Variants in SYN3 observed in about 807,000 individuals in gnomAD.
SYN3 encodes the protein synapsin-3.
A neutral mutation model predicts 65.8 loss-of-function variants in SYN3; 35 were observed. The observed-to-expected ratio is 0.53, with a 90% CI of 0.41 to 0.70. The LOEUF is 0.70. Among genes scored for constraint, SYN3 ranks in the 30% least tolerant of loss-of-function variants. SYN3 has a pLI of 0.00. For synonymous variants in SYN3, 270 were observed against 292.9 expected, an observed-to-expected ratio of 0.92 and a Z score of 0.80; for missense variants, 680 against 749.0, an observed-to-expected ratio of 0.91 and a Z score of 1.08.
rs553128893 is a variant in SYN3, at chr22:32,710,879, T to C, written c.712-114143A>G. Among the ~76,000 whole-genome samples, 172 of 152,278 alleles carry C rather than the reference T, an allele frequency of 1.1e-3. 1 individual carries two copies. The highest frequency in any genetic ancestry group is 2.0e-3 in the Non-Finnish European group (138 of 68,028). ...TTACTCCATTTCAGGTATTTCTTTATAGCAATGCAAGAATGAACTAATACA... is the reference window on the plus strand; with the variant it reads ...TTACTCCATTTCAGGTATTTCTTTACAGCAATGCAAGAATGAACTAATACA... On this transcript the variant is annotated intron_variant, in intron 6 of 13. Transcript: ENST00000358763.
intron 6 of SYN3, among the ~76,000 whole-genome samples, chr22:32,617,919 T>C (rs10427961): frequency 0.19 from 28,832 of 151,770 alleles, 6,229 homozygotes; most frequent in African/African-American, 0.53. Context: ...AGACCTCTTC[T>C]ATCTGCCTTA....
rs1201870348 is a variant in SYN3 at position 32,614,460 on chromosome 22, T to G, written c.712-17724A>C. 3.3e-5 allele frequency among the ~76,000 whole-genome samples: 5 copies of G among 152,192 alleles called. No homozygotes were observed. The East Asian group carries it at 9.6e-4, about 29-fold the overall frequency. On this transcript the variant is annotated intron_variant, in intron 6 of 13. Coordinates refer to ENST00000358763, the MANE Select transcript of SYN3 (RefSeq NM_003490.4). ...GGATTTGATGGTCCCTTGAGGGTTA[T>G]TGCAGCTGCCAAGACCCCCAGTTTT...
chr22:32,602,276 G>A (rs2059295726), intron 6 of SYN3, among the ~76,000 whole-genome samples: 1 of 152,154 alleles, frequency 6.6e-6, no homozygotes, highest in Non-Finnish European at 1.5e-5. Context: ...TGTCTGGGGT[G>A]TATTCCTGCC....
intron 1 of SYN3, 140 bp from the exon 2 acceptor site, chr22:33,006,964 T>C (rs989369398): frequency 9.6e-5 from 26 of 270,856 alleles, no homozygotes; most frequent in Non-Finnish European, 1.7e-4. Context: ...GCAACATGTA[T>C]TAAGAGGATA....
intron 6 of SYN3, among the ~76,000 whole-genome samples, chr22:32,818,062 A>G (rs1360749521): frequency 6.6e-6 from 1 of 152,254 alleles, no homozygotes; most frequent in Non-Finnish European, 1.5e-5. Flanking sequence ...CACTTGCCCT[A>G]GAGTATCACT....
intron 2 of SYN3, among the ~76,000 whole-genome samples, chr22:32,983,974 A>G (rs909190818): frequency 5.9e-5 from 9 of 152,120 alleles, no homozygotes; most frequent in Admixed American, 5.2e-4. Context: ...ACTGGCCAAC[A>G]TAGTGAAACC....
At chr22:32,587,060 A>G (rs2059055571) in intron 7 of SYN3, among the ~76,000 whole-genome samples, 1 of 151,954 alleles carries the variant, frequency 6.6e-6, no homozygotes, top group South Asian at 2.1e-4. Context: ...CATCTCTACT[A>G]AAAATACAAA....
intron 7 of SYN3, among the ~76,000 whole-genome samples, chr22:32,581,135 A>C (rs886116660): frequency 1.3e-5 from 2 of 152,134 alleles, no homozygotes; most frequent in African/African-American, 4.8e-5. Context: ...TTTGAGACTG[A>C]GTCTCGCTCT....
At chr22:32,729,855 A>T (rs574467108) in intron 6 of SYN3, among the ~76,000 whole-genome samples, 7 of 152,292 alleles carry the variant, frequency 4.6e-5, no homozygotes, top group African/African-American at 1.7e-4. Flanking sequence ...TTTGACCCTC[A>T]GTTTCTTCTT....
In SYN3 at chr22:33,030,634, G is replaced by T. The variant is rs117238314; in HGVS notation, c.-162-23810C>A. Among the ~76,000 whole-genome samples the T allele has an allele frequency of 5.9e-3, 897 of 151,524 alleles. 7 individuals carry two copies. The highest frequency in any genetic ancestry group is 0.027 in the South Asian group (131 of 4,790). On this transcript the variant is annotated intron_variant, in intron 1 of 13. Coordinates refer to ENST00000358763, the MANE Select transcript of SYN3 (RefSeq NM_003490.4). ...ATAAAAATAAACACAGAGAGACAGAGAAACTTATATAGAGACTGATAGAGA... is the reference window on the plus strand; with the variant it reads ...ATAAAAATAAACACAGAGAGACAGATAAACTTATATAGAGACTGATAGAGA...
At chr22:32,561,262 A>T (rs1319781942) in intron 7 of SYN3, among the ~76,000 whole-genome samples, 1 of 152,216 alleles carries the variant, frequency 6.6e-6, no homozygotes, top group Admixed American at 6.5e-5. Flanking sequence ...GGAGAGACAG[A>T]CAGAGCCTAG....
chr22:32,716,343 T>C (rs1218794822), intron 6 of SYN3, among the ~76,000 whole-genome samples: 1 of 151,956 alleles, frequency 6.6e-6, no homozygotes, highest in Non-Finnish European at 1.5e-5. Context: ...ACTAGGTATG[T>C]GGGTAGAACC....
intron 1 of SYN3, among the ~76,000 whole-genome samples, chr22:33,056,146 T>C (rs1285735316): frequency 6.6e-6 from 1 of 152,142 alleles, no homozygotes; most frequent in East Asian, 1.9e-4. Flanking sequence ...ATATACATAA[T>C]AGACACTCAA....
At chr22:32,962,270 G>A (rs2051679216) in intron 3 of SYN3, among the ~76,000 whole-genome samples, 2 of 151,484 alleles carry the variant, frequency 1.3e-5, no homozygotes, top group South Asian at 4.2e-4. Context: ...TGAGTAGCTG[G>A]GTCTACAGGC....
At chr22:32,946,823 TAGG>T (rs1410066742) in intron 3 of SYN3, among the ~76,000 whole-genome samples, 1 of 152,216 alleles carries the variant, frequency 6.6e-6, no homozygotes, top group African/African-American at 2.4e-5. Flanking sequence ...TATACATTTG[TAGG>T]AGATTATGTC....
chr22:32,946,349 A>C (rs1479018181), intron 3 of SYN3, among the ~76,000 whole-genome samples: 1 of 152,210 alleles, frequency 6.6e-6, no homozygotes, highest in African/African-American at 2.4e-5. Flanking sequence ...ACACCATGGA[A>C]TACTATGCAG....
intron 1 of SYN3, among the ~76,000 whole-genome samples, chr22:33,052,388 C>T (rs1235517525): frequency 6.6e-6 from 1 of 151,960 alleles, no homozygotes; most frequent in East Asian, 1.9e-4. Context: ...TCTAAAGAAT[C>T]CTCCTCCTCC....
intron 6 of SYN3, among the ~76,000 whole-genome samples, chr22:32,805,551 TGGA>T (rs930817888): frequency 4.6e-5 from 7 of 152,250 alleles, no homozygotes; most frequent in South Asian, 2.1e-4. Context: ...GCTATCCAGC[TGGA>T]GGAGGGAAGA....
chr22:32,529,700 G>A (rs1226119220), intron 10 of SYN3, among the ~76,000 whole-genome samples: 5 of 152,292 alleles, frequency 3.3e-5, no homozygotes. Context: ...GTGATTCCCT[G>A]GGCATGGGAA....
Sources: gnomAD v4.1 joint callset for allele counts (sites outside exome capture counted in the v4.1 genomes callset) on GRCh38, gnomAD v4.1.1 for gene constraint, MANE v1.5 for transcripts, NCBI Gene and HGNC (gene_info 2026-07-23, HGNC 2026-07-21) for gene names.